Variants in UNC5D observed in about 807,000 individuals in gnomAD.
UNC5D encodes netrin receptor UNC5D.
Under a neutral mutation model 105.4 loss-of-function variants are expected in UNC5D, and 39 were observed. The observed-to-expected ratio is 0.37, with a 90% CI of 0.29 to 0.48. The LOEUF is 0.48. Among genes scored for constraint, UNC5D ranks in the 20% least tolerant of loss-of-function variants. The pLI, the probability that UNC5D is intolerant of heterozygous loss-of-function variation, is 0.98. For synonymous variants in UNC5D, 452 were observed against 450.4 expected (o/e 1.00, Z -0.04); for missense variants, 991 against 1,202.4 (o/e 0.82, Z 2.60).
chr8:35,322,654 T>G (rs1481033202), intron 1 of UNC5D, among the ~76,000 whole-genome samples: 1 of 152,206 alleles, frequency 6.6e-6, no homozygotes, highest in African/African-American at 2.4e-5. Flanking sequence ...TACGTGAAAT[T>G]TCCTTATTTG....
At chr8:35,561,858 TC>T (rs1374814212) in intron 2 of UNC5D, among the ~76,000 whole-genome samples, 2 of 152,216 alleles carry the variant, frequency 1.3e-5, no homozygotes, top group African/African-American at 4.8e-5. Context: ...ATCCAGCACC[TC>T]AAACACTTAT....
At chr8:35,285,874 A>G (rs1806558694) in intron 1 of UNC5D, among the ~76,000 whole-genome samples, 1 of 152,212 alleles carries the variant, frequency 6.6e-6, no homozygotes, top group Non-Finnish European at 1.5e-5. Context: ...TAGTCGAGTG[A>G]GGTGAAAGTC....
intron 4 of UNC5D, among the ~76,000 whole-genome samples, chr8:35,660,865 G>A (rs970047379): frequency 1.3e-5 from 2 of 152,014 alleles, no homozygotes; most frequent in South Asian, 2.1e-4. Context: ...CCCTCTCCCT[G>A]CAAATCTCCA....
At chr8:35,684,105 T>A (rs569887269) in intron 5 of UNC5D, among the ~76,000 whole-genome samples, 2 of 152,172 alleles carry the variant, frequency 1.3e-5, no homozygotes, top group South Asian at 4.1e-4. Flanking sequence ...TGTCAGGTAG[T>A]CTCTCCCCTG....
At chr8:35,292,311 T>G (rs918679303) in intron 1 of UNC5D, among the ~76,000 whole-genome samples, 1 of 152,234 alleles carries the variant, frequency 6.6e-6, no homozygotes, top group African/African-American at 2.4e-5. Context: ...CTTTATCTAT[T>G]ATGTGAGGAT....
chr8:35,437,090 C>T (rs1807068827), intron 1 of UNC5D, among the ~76,000 whole-genome samples: 1 of 151,906 alleles, frequency 6.6e-6, no homozygotes, highest in African/African-American at 2.4e-5. Flanking sequence ...TTTCCTGCCT[C>T]AGCTTCATGA....
At chr8:35,656,106 A>T (rs766261943) in intron 4 of UNC5D, among the ~76,000 whole-genome samples, 1 of 152,104 alleles carries the variant, frequency 6.6e-6, no homozygotes, top group Non-Finnish European at 1.5e-5. Flanking sequence ...GAGAGATAGG[A>T]TCTGTCTCAC....
At chr8:35,295,680 G>A (rs952268626) in intron 1 of UNC5D, among the ~76,000 whole-genome samples, 2 of 151,924 alleles carry the variant, frequency 1.3e-5, no homozygotes, top group African/African-American at 4.8e-5. Flanking sequence ...TTTTTTTGTA[G>A]GTGTGGTGAG....
At chr8:35,591,899 C>T (rs1819200098) in intron 3 of UNC5D, among the ~76,000 whole-genome samples, 1 of 152,202 alleles carries the variant, frequency 6.6e-6, no homozygotes, top group Admixed American at 6.6e-5. Context: ...GATGTCTATA[C>T]CAACTGGTCT....
intron 15 of UNC5D, among the ~76,000 whole-genome samples, chr8:35,771,753 T>A (rs367836821): frequency 2.6e-5 from 4 of 152,202 alleles, no homozygotes; most frequent in Admixed American, 2.6e-4. Flanking sequence ...ACGTTTTCCT[T>A]AACCACCCAG....
chr8:35,419,865 G>C (rs1373132305), intron 1 of UNC5D, among the ~76,000 whole-genome samples: 1 of 152,098 alleles, frequency 6.6e-6, no homozygotes, highest in Admixed American at 6.6e-5. Flanking sequence ...AGGCAGATAA[G>C]GGTTTATTGA....
At chr8:35,323,207 T>C (rs1026566977) in intron 1 of UNC5D, among the ~76,000 whole-genome samples, 11 of 138,758 alleles carry the variant, frequency 7.9e-5, no homozygotes, top group Non-Finnish European at 1.1e-4. Context: ...TTTTTTTTTT[T>C]CACATGAATG....
intron 1 of UNC5D, among the ~76,000 whole-genome samples, chr8:35,280,339 G>A: frequency 6.6e-6 from 1 of 152,150 alleles, no homozygotes; most frequent in East Asian, 1.9e-4. Context: ...CAAAATACCT[G>A]TGATGAAGGG....
intron 1 of UNC5D, among the ~76,000 whole-genome samples, chr8:35,293,922 G>T (rs1368364043): frequency 6.6e-6 from 1 of 152,166 alleles, no homozygotes; most frequent in African/African-American, 2.4e-5. Context: ...GAGTACGTAG[G>T]CTACTTAGAT....
At chr8:35,431,047 G>A (rs965402877) in intron 1 of UNC5D, among the ~76,000 whole-genome samples, 2 of 151,902 alleles carry the variant, frequency 1.3e-5, no homozygotes, top group Non-Finnish European at 2.9e-5. Flanking sequence ...AACTTCCTCA[G>A]TTATCTGTAT....
At position 35,705,207 on chromosome 8, in the gene UNC5D, G is replaced by A. The variant is rs377579989; in HGVS notation, c.1085-722G>A. ...TCTCGATCTCCTGACCTCGTGATCCGCCCGCCTTGGCCTCCCAAAGTGCTG... is the reference window on the plus strand; with the variant it reads ...TCTCGATCTCCTGACCTCGTGATCCACCCGCCTTGGCCTCCCAAAGTGCTG... On this transcript the variant is annotated intron_variant, in intron 7 of 16. Coordinates refer to ENST00000404895, the MANE Select transcript of UNC5D (RefSeq NM_080872.4). 2.1e-4 allele frequency among the ~76,000 whole-genome samples: 32 copies of A among 152,148 alleles called. 1 individual carries two copies. The highest frequency in any genetic ancestry group is 1.5e-3 in the South Asian group (7 of 4,816).
At chr8:35,443,412 A>G (rs907161455) in intron 1 of UNC5D, among the ~76,000 whole-genome samples, 13 of 151,740 alleles carry the variant, frequency 8.6e-5, no homozygotes, top group Non-Finnish European at 1.8e-4. Context: ...TAGGCTGGAA[A>G]AAGTTGTGAA....
chr8:35,628,267 G>A (rs1035123496), intron 4 of UNC5D, among the ~76,000 whole-genome samples: 2 of 152,022 alleles, frequency 1.3e-5, no homozygotes, highest in Non-Finnish European at 2.9e-5. Context: ...CCAAGTAGCT[G>A]GGATTACAGG....
intron 1 of UNC5D, among the ~76,000 whole-genome samples, chr8:35,382,773 T>G (rs1205095358): frequency 6.6e-6 from 1 of 152,206 alleles, no homozygotes; most frequent in East Asian, 1.9e-4. Flanking sequence ...GATTCCAGAA[T>G]GCTGGTGAGA....
Sources: allele counts gnomAD v4.1 joint callset (sites outside exome capture counted in the v4.1 genomes callset), GRCh38; gene constraint gnomAD v4.1.1; transcripts MANE v1.5; gene names NCBI Gene and HGNC (gene_info 2026-07-23, HGNC 2026-07-21).